The following ZFYVE9 variants were observed in gnomAD, a reference collection of about 807,000 sequenced individuals.
ZFYVE9 encodes zinc finger FYVE domain-containing protein 9.
ZFYVE9 carries 43 observed loss-of-function variants against 126.7 expected under a neutral mutation model. The ratio of observed to expected loss-of-function variants is 0.34; its 90% CI spans 0.27 to 0.44. ZFYVE9 has a LOEUF of 0.44. Among genes scored for constraint, ZFYVE9 ranks in the 20% least tolerant of loss-of-function variants. The pLI is 1.00. For missense variants in ZFYVE9, 1,476 were observed against 1,697.0 expected (o/e 0.87, Z 2.29); for synonymous variants, 521 against 597.4 (o/e 0.87, Z 1.87).
At chr1:52,318,456 T>G (rs1646207858) in intron 13 of ZFYVE9, among the ~76,000 whole-genome samples, 1 of 151,110 alleles carries the variant, frequency 6.6e-6, no homozygotes, top group African/African-American at 2.4e-5. Context: ...AAGCTAATGA[T>G]TATCTATGAA....
intron 12 of ZFYVE9, among the ~76,000 whole-genome samples, chr1:52,298,155 G>T (rs953743522): frequency 9.9e-5 from 15 of 152,146 alleles, no homozygotes; most frequent in Admixed American, 8.5e-4. Context: ...TTAGTTTGAT[G>T]TAATTCCATT....
intron 13 of ZFYVE9, among the ~76,000 whole-genome samples, chr1:52,318,094 A>G (rs948697756): frequency 6.6e-6 from 1 of 152,200 alleles, no homozygotes; most frequent in African/African-American, 2.4e-5. Flanking sequence ...ACATTACAAA[A>G]AATGAAAACT....
intron 1 of ZFYVE9, among the ~76,000 whole-genome samples, chr1:52,167,760 A>T (rs1045586981): frequency 1.3e-5 from 2 of 152,120 alleles, no homozygotes; most frequent in Non-Finnish European, 1.5e-5. Context: ...AGTCACAGCA[A>T]CAAGCAGATG....
intron 1 of ZFYVE9, among the ~76,000 whole-genome samples, chr1:52,175,407 A>G (rs542227143): frequency 6.7e-6 from 1 of 149,410 alleles, no homozygotes; most frequent in South Asian, 2.2e-4. Context: ...TTTGTGGGTA[A>G]CCCGACCTTT....
chr1:52,308,255 A>T (rs1318383677), intron 13 of ZFYVE9, among the ~76,000 whole-genome samples: 1 of 152,118 alleles, frequency 6.6e-6, no homozygotes, highest in Non-Finnish European at 1.5e-5. Context: ...ATCATGGATC[A>T]CTGCAGTCTC....
Position 52,239,500 on chromosome 1 carries a change from G to C in ZFYVE9, c.2083G>C (p.Val695Leu), listed in dbSNP as rs760692476. Residue 695 changes from valine to leucine, a missense_variant, in exon 4 of 19, where the codon GTA (valine) becomes CTA (leucine). Val to Leu is a conservative substitution (Grantham distance 32, BLOSUM62 1). Around this residue, in one of 2 missense-constraint regions of ZFYVE9, gnomAD observed 669 missense variants for 902.4 expected, o/e 0.74. Transcript: ENST00000287727. ...CACCACTCTGGGTGAGGTGGCTCCAGTATGGGTACCGGATTCTCAGGCTCC... is the reference window on the plus strand; with the variant it reads ...CACCACTCTGGGTGAGGTGGCTCCACTATGGGTACCGGATTCTCAGGCTCC... Reference protein sequence around the residue: ...PFTTLGEVAPVWVPDSQAPNC... With the variant: ...PFTTLGEVAPLWVPDSQAPNC... The C allele has an allele frequency of 2.5e-6, 4 of 1,614,154 alleles. No individual in the cohort carries two copies. The East Asian group carries it at 8.9e-5, about 36-fold the overall frequency.
At chr1:52,205,574 T>A (rs1394143237) in intron 1 of ZFYVE9, among the ~76,000 whole-genome samples, 5 of 151,688 alleles carry the variant, frequency 3.3e-5, no homozygotes, top group Admixed American at 6.6e-5. Flanking sequence ...GGTCTCGCTA[T>A]GTTGCCCAGA....
intron 1 of ZFYVE9, among the ~76,000 whole-genome samples, chr1:52,161,865 A>G (rs939738942): frequency 5.9e-5 from 9 of 152,080 alleles, no homozygotes; most frequent in African/African-American, 2.2e-4. Context: ...CTCTAATACA[A>G]TATCTAACAC....
chr1:52,272,381 TCTC>T (rs1340101157), intron 7 of ZFYVE9, among the ~76,000 whole-genome samples: 2 of 152,174 alleles, frequency 1.3e-5, no homozygotes, highest in African/African-American at 4.8e-5. Context: ...GTCAGTACCT[TCTC>T]CTTTCATCAA....
chr1:52,167,456 C>G (rs1644524424), intron 1 of ZFYVE9, among the ~76,000 whole-genome samples: 1 of 152,158 alleles, frequency 6.6e-6, no homozygotes, highest in Non-Finnish European at 1.5e-5. Context: ...GAAGACCCAT[C>G]TCACTCAACA....
rs924435838 is a variant in ZFYVE9, at chr1:52,321,846, G to A, written c.3439-10922G>A. On this transcript the variant is annotated intron_variant, in intron 13 of 18. Coordinates refer to ENST00000287727, the MANE Select transcript of ZFYVE9 (RefSeq NM_004799.4). ...ACACCCTCCTTTCTGACCCCATTTCGTATTCATTTTGGAAAACCCAAGATA... is the reference window on the plus strand; with the variant it reads ...ACACCCTCCTTTCTGACCCCATTTCATATTCATTTTGGAAAACCCAAGATA... Among the ~76,000 whole-genome samples the A allele has an allele frequency of 2.0e-5, 3 of 152,026 alleles. No homozygotes were observed. The East Asian group carries it at 5.8e-4, about 29-fold the overall frequency.
chr1:52,331,191 G>A (rs1298306163), intron 13 of ZFYVE9, among the ~76,000 whole-genome samples: 1 of 152,074 alleles, frequency 6.6e-6, no homozygotes, highest in Admixed American at 6.5e-5. Context: ...GCTTATAGGA[G>A]GAAGAGGGGA....
chr1:52,238,714 G>A lies in ZFYVE9; in HGVS notation c.1297G>A (p.Gly433Ser). The change falls in exon 4 of 19, where the codon GGT (glycine) becomes AGT (serine). Residue 433 changes from glycine to serine, a missense_variant. Coordinates refer to ENST00000287727, the MANE Select transcript of ZFYVE9 (RefSeq NM_004799.4). ...LQISQPEDTN[G>S]DSGGQCVGLA... ...GATTAGTCAGCCTGAGGACACTAAT[G>A]GTGATAGTGGAGGACAGTGTGTTGG... is the stretch of plus-strand genomic sequence containing the variant. 1.2e-6 allele frequency: 2 copies of A among 1,614,082 alleles called. No homozygotes were observed. The highest frequency in any genetic ancestry group is 1.7e-6 in the Non-Finnish European group (2 of 1,179,962).
intron 12 of ZFYVE9, among the ~76,000 whole-genome samples, chr1:52,302,028 A>G (rs1358806893): frequency 6.6e-6 from 1 of 152,170 alleles, no homozygotes; most frequent in Non-Finnish European, 1.5e-5. Flanking sequence ...GTCTTTTAAG[A>G]TCTTTTATGT....
At chr1:52,151,462 C>CT (rs997178854) in intron 1 of ZFYVE9, among the ~76,000 whole-genome samples, 2 of 151,504 alleles carry the variant, frequency 1.3e-5, no homozygotes, top group African/African-American at 4.8e-5. Flanking sequence ...AGTCCACACT[C>CT]TTTTTTCATC....
intron 1 of ZFYVE9, among the ~76,000 whole-genome samples, chr1:52,186,782 A>G (rs11810771): frequency 2.9e-4 from 44 of 152,348 alleles, no homozygotes; most frequent in African/African-American, 1.0e-3. Context: ...AGATCTCTAC[A>G]ATGAGAATTA....
At chr1:52,229,806 ATTG>A (rs1256114181) in intron 2 of ZFYVE9, among the ~76,000 whole-genome samples, 4 of 151,938 alleles carry the variant, frequency 2.6e-5, no homozygotes, top group African/African-American at 4.8e-5. Context: ...GCCATGAGGG[ATTG>A]TTGTTGTAGA....
chr1:52,287,138 G>A (rs1049943391), intron 10 of ZFYVE9, among the ~76,000 whole-genome samples: 3 of 151,572 alleles, frequency 2.0e-5, no homozygotes, highest in South Asian at 2.1e-4. Flanking sequence ...CGCCCGGGCC[G>A]GAGTGCAGTG....
intron 1 of ZFYVE9, among the ~76,000 whole-genome samples, chr1:52,200,733 T>C (rs1436081781): frequency 1.3e-5 from 2 of 152,208 alleles, no homozygotes; most frequent in Non-Finnish European, 2.9e-5. Flanking sequence ...GGATGTCTAG[T>C]TCCAGTACCA....
Sources: gnomAD v4.1 joint callset for allele counts (sites outside exome capture counted in the v4.1 genomes callset) on GRCh38, gnomAD v4.1.1 for gene constraint, gnomAD v4.1.1 regional missense constraint, MANE v1.5 for transcripts, NCBI Gene and HGNC (gene_info 2026-07-23, HGNC 2026-07-21) for gene names.